Variants in SOX5 observed in about 807,000 individuals in gnomAD.
The protein encoded by SOX5 is SRY-box transcription factor 5, also known as transcription factor SOX-5.
Under a neutral mutation model 92.0 loss-of-function variants are expected in SOX5, and 9 were observed. That is an observed-to-expected ratio of 0.10 (90% CI 0.06 to 0.17). The LOEUF (loss-of-function observed/expected upper bound fraction) is 0.17, where lower values mean the gene tolerates loss of function less well. Among genes scored for constraint, SOX5 ranks in the 10% least tolerant of loss-of-function variants. The pLI, the probability that SOX5 is intolerant of heterozygous loss-of-function variation, is 1.00. For missense variants in SOX5, 642 were observed against 944.5 expected, an observed-to-expected ratio of 0.68 and a Z score of 4.20; for synonymous variants, 344 against 336.3, an observed-to-expected ratio of 1.02 and a Z score of -0.25.
chr12:24,502,439 A>G (rs1277264429), intron 1 of SOX5, among the ~76,000 whole-genome samples: 1 of 152,228 alleles, frequency 6.6e-6, no homozygotes, highest in Non-Finnish European at 1.5e-5. Flanking sequence ...AAAACTAAAT[A>G]TTCATGAATC....
At chr12:23,988,962 T>C (rs1182170208) in intron 4 of SOX5, among the ~76,000 whole-genome samples, 3 of 152,166 alleles carry the variant, frequency 2.0e-5, no homozygotes, top group Admixed American at 2.0e-4. Context: ...TCTAGAGTTA[T>C]ATGATGTGCC....
intron 3 of SOX5, among the ~76,000 whole-genome samples, chr12:23,757,833 T>C (rs2094441683): frequency 6.6e-6 from 1 of 151,820 alleles, no homozygotes. Context: ...ATATTCACTG[T>C]AGTGTGCTCA....
chr12:23,773,440 C>T (rs556207768), intron 3 of SOX5, among the ~76,000 whole-genome samples: 4 of 152,248 alleles, frequency 2.6e-5, no homozygotes, highest in South Asian at 2.1e-4. Flanking sequence ...GGCACAATCT[C>T]GGCTCGCTGC....
intron 2 of SOX5, among the ~76,000 whole-genome samples, chr12:24,358,249 T>G (rs1181941513): frequency 6.6e-6 from 1 of 152,230 alleles, no homozygotes; most frequent in East Asian, 1.9e-4. Flanking sequence ...ATACTACATT[T>G]AATTAGCAAA....
chr12:23,831,053 C>T (rs1034540842), intron 3 of SOX5, among the ~76,000 whole-genome samples: 1 of 152,038 alleles, frequency 6.6e-6, no homozygotes, highest in Non-Finnish European at 1.5e-5. Flanking sequence ...CCTTCTTTAG[C>T]ACCCATAAAA....
chr12:23,941,809 T>C (rs933380256), intron 1 of SOX5, among the ~76,000 whole-genome samples: 4 of 151,506 alleles, frequency 2.6e-5, no homozygotes, highest in African/African-American at 9.7e-5. Flanking sequence ...CTATACCTTA[T>C]CCTAACGAAT....
rs1955945213 is a variant in SOX5, at chr12:24,364,511, C to CATATCTATAT, written c.-174+4051_-174+4052insATATAGATAT. ...AAAACTGAACAACTTAACATTTTTT[C>CATATCTATAT]ATATATATATATATATATATATATA... On this transcript the variant is annotated intron_variant, in intron 2 of 4. Coordinates refer to the SOX5 transcript ENST00000446891. 2.7e-5 allele frequency among the ~76,000 whole-genome samples: 3 copies of CATATCTATAT among 110,524 alleles called. No homozygotes were observed. In the Admixed American group the frequency reaches 3.0e-4, roughly 11 times the overall value. 72.5% of individuals were successfully genotyped at this position (110,524 alleles called of 152,430 possible). A position where few individuals can be genotyped will look rare whatever the true frequency, so the allele number is the denominator to read the frequency against.
chr12:24,328,603 A>G (rs996714879), intron 2 of SOX5, among the ~76,000 whole-genome samples: 17 of 152,220 alleles, frequency 1.1e-4, no homozygotes, highest in Non-Finnish European at 4.4e-5. Flanking sequence ...GCTGCTACTC[A>G]GATATCCACA....
At chr12:23,632,211 G>A (rs2078631307) in intron 8 of SOX5, 1 of 152,068 alleles carries the variant, frequency 6.6e-6, no homozygotes, top group African/African-American at 2.4e-5. Flanking sequence ...GCTCAGGGTC[G>A]AAGGGAGAGG....
At chr12:24,305,274 T>C (rs768182592) in intron 2 of SOX5, among the ~76,000 whole-genome samples, 8 of 152,232 alleles carry the variant, frequency 5.3e-5, no homozygotes, top group Non-Finnish European at 7.3e-5. Context: ...TCTCCAGGGA[T>C]TGCTAAAAAT....
intron 6 of SOX5, among the ~76,000 whole-genome samples, chr12:23,679,495 T>C (rs1162472433): frequency 6.6e-6 from 1 of 152,082 alleles, no homozygotes; most frequent in Non-Finnish European, 1.5e-5. Context: ...AATAAAACAA[T>C]AAAAGCCTTG....
At chr12:23,873,283 C>A (rs1420408094) in intron 2 of SOX5, among the ~76,000 whole-genome samples, 1 of 147,758 alleles carries the variant, frequency 6.8e-6, no homozygotes, top group African/African-American at 2.5e-5. Context: ...CCGGCCTGGG[C>A]AACATGGAGA....
intron 8 of SOX5, among the ~76,000 whole-genome samples, chr12:23,628,116 GTTTAAC>G (rs1459595609): frequency 6.6e-6 from 1 of 151,854 alleles, no homozygotes; most frequent in Non-Finnish European, 1.5e-5. Flanking sequence ...TTATTGTTTG[GTTTAAC>G]TTTTTTTGTT....
chr12:23,670,242 T>C (rs1404356535), intron 6 of SOX5, among the ~76,000 whole-genome samples: 2 of 152,096 alleles, frequency 1.3e-5, no homozygotes, highest in African/African-American at 4.8e-5. Flanking sequence ...GAATTTATAA[T>C]AACACCACTT....
At position 23,664,349 on chromosome 12, in the gene SOX5, A is replaced by T. The variant is rs1451470761; in HGVS notation, c.931+1095T>A. On this transcript the variant is annotated intron_variant, in intron 7 of 14. Coordinates refer to ENST00000451604, the MANE Select transcript of SOX5 (RefSeq NM_006940.6). ...TATATATATATATAAGCCAAAATGC[A>T]CTGGAATTTAAAAACAATATTCTGT... Among the ~76,000 whole-genome samples the T allele has an allele frequency of 3.6e-4, 54 of 151,006 alleles. No homozygotes were observed. In the Admixed American group the frequency reaches 3.6e-3, roughly 10 times the overall value.
intron 4 of SOX5, among the ~76,000 whole-genome samples, chr12:24,003,769 G>GTAT (rs71445977): frequency 6.8e-6 from 1 of 147,952 alleles, no homozygotes; most frequent in Non-Finnish European, 1.5e-5. Flanking sequence ...ATGCCAGCAG[G>GTAT]TTTTTTTTTT....
At chr12:23,630,000 G>A (rs1271594458) in intron 8 of SOX5, among the ~76,000 whole-genome samples, 1 of 151,850 alleles carries the variant, frequency 6.6e-6, no homozygotes, top group East Asian at 1.9e-4. Context: ...ACAACATGTA[G>A]GTGGAATAAG....
chr12:24,491,899 G>C (rs1947128622), intron 1 of SOX5, among the ~76,000 whole-genome samples: 1 of 151,302 alleles, frequency 6.6e-6, no homozygotes. Flanking sequence ...GTTTTTTTAA[G>C]GTAAACTACG....
chr12:23,600,936 A>G (rs1251528095), intron 9 of SOX5, among the ~76,000 whole-genome samples: 2 of 152,092 alleles, frequency 1.3e-5, no homozygotes, highest in Non-Finnish European at 2.9e-5. Flanking sequence ...TGCTGAGGAC[A>G]GACAAAGTGA....
Sources: allele counts gnomAD v4.1 joint callset (sites outside exome capture counted in the v4.1 genomes callset), GRCh38; gene constraint gnomAD v4.1.1; transcripts MANE v1.5; gene names NCBI Gene and HGNC (gene_info 2026-07-23, HGNC 2026-07-21).